The following BBS4 variants were observed in gnomAD, a reference collection of about 807,000 sequenced individuals.
BBS4 encodes the protein Bardet-Biedl syndrome 4, also known as BBSome complex member BBS4.
BBS4 carries 58 observed loss-of-function variants against 71.4 expected under a neutral mutation model. That is an observed-to-expected ratio of 0.81 (90% CI 0.66 to 1.01). The LOEUF is 1.01. BBS4 is among the 50% of genes least tolerant of loss of function. The probability of loss-of-function intolerance (pLI) is 0.00; values close to 1 mark genes in which losing one functional copy is unlikely to be tolerated. For synonymous variants in BBS4, 228 were observed against 216.8 expected (o/e 1.05, Z -0.46); for missense variants, 660 against 607.9 (o/e 1.09, Z -0.90).
chr15:72,707,397 T>C (rs2065284644), intron 2 of BBS4, among the ~76,000 whole-genome samples: 1 of 152,034 alleles, frequency 6.6e-6, no homozygotes, highest in Admixed American at 6.6e-5. Flanking sequence ...CAGGCTGACC[T>C]CAAACTCCTG....
chr15:72,722,926 TC>T (rs2065603632), intron 7 of BBS4, 79 bp downstream of exon 7: 1 of 1,272,130 alleles, frequency 7.9e-7, no homozygotes. Flanking sequence ...TTTGGTATTA[TC>T]CCTAGTGCTT....
rs111820337 is a variant in BBS4, at chr15:72,733,348, C to T, written c.1036+1622C>T. 7.1e-3 allele frequency among the ~76,000 whole-genome samples: 470 copies of T among 66,466 alleles called. 3 individuals carry two copies. Among genetic ancestry groups the T allele is most frequent in the African/African-American group, 0.022 (445 of 20,062 alleles). 43.6% of individuals were successfully genotyped at this position (66,466 alleles called of 152,430 possible). A position where few individuals can be genotyped will look rare whatever the true frequency, so the allele number is the denominator to read the frequency against. On this transcript the variant is annotated intron_variant, in intron 12 of 15. Coordinates refer to ENST00000268057, the MANE Select transcript of BBS4 (RefSeq NM_033028.5). ...AGGGGTACATGTGCATCCTGTTACA[C>T]AGGCACGTGTGTCATGGGGATTAGT... is the stretch of plus-strand genomic sequence containing the variant.
chr15:72,689,914 C>A (rs1489769156), intron 1 of BBS4, among the ~76,000 whole-genome samples: 1 of 152,030 alleles, frequency 6.6e-6, no homozygotes, highest in East Asian at 1.9e-4. Context: ...GGGTTCACGC[C>A]ATTCTCCAGC....
rs769873362 is a variant in BBS4, at chr15:72,731,665, T to A, written c.975T>A (p.His325Gln). 25 of 1,614,090 alleles carry A rather than the reference T, an allele frequency of 1.5e-5. No individual in the cohort carries two copies. Among genetic ancestry groups the A allele is most frequent in the Non-Finnish European group, 2.0e-5 (24 of 1,180,050 alleles). ...TGCAGCAGTATGCATCAGCTTTTCA[T>A]TTTCTCAGTGCGGCCATCAACTTCC... ...LTMQQYASAF[H>Q]FLSAAINFQP... Residue 325 changes from histidine to glutamine, a missense_variant, in exon 12 of 16, where the codon CAT (histidine) becomes CAA (glutamine). His to Gln is a conservative substitution (Grantham distance 24). Transcript: ENST00000268057.
rs1002998915 is a variant in BBS4, at chr15:72,728,945, GGGCTTT to G, written c.643-665_643-660del. ...CAGGAGCTTAACCCTGGGTCTTCCT[GGGCTTT>G]GGCTTGGGAGGTTGGCTCCACGGGA... On this transcript the variant is annotated intron_variant, in intron 9 of 15. Transcript: ENST00000268057. Among the ~76,000 whole-genome samples the G allele has an allele frequency of 7.9e-5, 12 of 152,110 alleles. 1 individual carries two copies. Among genetic ancestry groups the G allele is most frequent in the Non-Finnish European group, 1.5e-4 (10 of 68,024 alleles).
chr15:72,698,396 C>T (rs1050786002), intron 2 of BBS4, among the ~76,000 whole-genome samples: 1 of 152,112 alleles, frequency 6.6e-6, no homozygotes, highest in Admixed American at 6.5e-5. Context: ...TCCACATCCC[C>T]TTGCCTCCCC....
Position 72,737,486 on chromosome 15 carries a change from G to A in BBS4, c.1459G>A (p.Gly487Arg). ...TTTTATTTTGTTACTAGGTGCTGGA[G>A]GAACATCCCAGTTCACAAAGCCCCC... ...AYRTLPSGAG[G>R]TSQFTKPPSL... Residue 487 changes from glycine to arginine, a missense_variant, in exon 16 of 16, where the codon GGA becomes AGA. By Grantham distance (125) the Gly-to-Arg change is moderately radical. Transcript: ENST00000268057. The A allele has an allele frequency of 6.2e-7, 1 of 1,611,974 alleles. No homozygotes were observed. The highest frequency in any genetic ancestry group is 1.1e-5 in the South Asian group (1 of 90,426).
At position 72,686,234 on chromosome 15, in the gene BBS4, G is replaced by A; in HGVS notation, c.7G>A (p.Glu3Lys). The change falls in exon 1 of 16, where the codon GAG (glutamate) becomes AAG (lysine). Residue 3 changes from glutamate to lysine, a missense_variant. Physicochemically the swap from Glu to Lys is moderately conservative, Grantham distance 56 (BLOSUM62 1). Transcript: ENST00000268057. ...AGCGGTGGGCTGAGCTAAAATGGCT[G>A]AGGAGAGAGTCGCGACGGTGAGCGC... MA[E>K]ERVATRTQFP... 6.4e-7 allele frequency: 1 copy of A among 1,565,900 alleles called. No individual in the cohort carries two copies. The highest frequency in any genetic ancestry group is 1.9e-5 in the Admixed American group (1 of 53,272).
intron 8 of BBS4, among the ~76,000 whole-genome samples, chr15:72,725,713 G>A (rs1224586631): frequency 1.5e-5 from 1 of 65,992 alleles, no homozygotes; most frequent in Admixed American, 2.4e-4. Context: ...CCCTTTCCCC[G>A]TTTTCCCTTC....
chr15:72,689,176 A>T (rs756373508), intron 1 of BBS4, among the ~76,000 whole-genome samples: 1 of 152,222 alleles, frequency 6.6e-6, no homozygotes, highest in Admixed American at 6.5e-5. Context: ...GTAGATAAGG[A>T]TATATGGATA....
chr15:72,724,432 T>C, intron 7 of BBS4, 96 bp from the exon 8 acceptor site: 2 of 1,560,422 alleles, frequency 1.3e-6, no homozygotes, highest in Non-Finnish European at 8.8e-7. Context: ...TGTTCCTATG[T>C]CAATACAGCA....
At position 72,689,933 on chromosome 15, in the gene BBS4, C is replaced by A. The variant is rs112835511; in HGVS notation, c.24+3682C>A. 2.6e-3 allele frequency among the ~76,000 whole-genome samples: 390 copies of A among 152,144 alleles called. 3 individuals are homozygous for A. The highest frequency in any genetic ancestry group is 8.9e-3 in the African/African-American group (369 of 41,512). ...TCACGCCATTCTCCAGCCTGAGCCT[C>A]CGGAGTAGCTGGGACTACAGGCGCC... On this transcript the variant is annotated intron_variant, in intron 1 of 15. Coordinates refer to ENST00000268057, the MANE Select transcript of BBS4 (RefSeq NM_033028.5).
chr15:72,718,101 G>C (rs1300152217), intron 6 of BBS4, among the ~76,000 whole-genome samples: 2 of 152,068 alleles, frequency 1.3e-5, no homozygotes, highest in East Asian at 3.9e-4. Flanking sequence ...CACCTGCCTT[G>C]TCCTCCCAAA....
At chr15:72,692,071 A>G (rs545476656) in intron 1 of BBS4, among the ~76,000 whole-genome samples, 15 of 151,988 alleles carry the variant, frequency 9.9e-5, no homozygotes, top group African/African-American at 1.4e-4. Flanking sequence ...CTTAAGGTTT[A>G]TACCCTAGGT....
At chr15:72,722,978 C>A in intron 7 of BBS4, 131 bp downstream of exon 7, 1 of 753,738 alleles carries the variant, frequency 1.3e-6, no homozygotes. Flanking sequence ...TACCTTTATA[C>A]ATTTTTTTCT....
At chr15:72,686,324 C>A in intron 1 of BBS4, 73 bp downstream of exon 1, 1 of 1,547,788 alleles carries the variant, frequency 6.5e-7, no homozygotes, top group Non-Finnish European at 8.7e-7. Context: ...TTGTCCCATG[C>A]AGCGGTTCCT....
At chr15:72,695,296 T>TTTA in intron 2 of BBS4, 68 bp downstream of exon 2, 1 of 580,708 alleles carries the variant, frequency 1.7e-6, no homozygotes, top group South Asian at 3.2e-5. Flanking sequence ...TATTTATTTA[T>TTTA]TTTTTTTTTT....
intron 4 of BBS4, among the ~76,000 whole-genome samples, chr15:72,714,122 G>A (rs753176459): frequency 5.9e-5 from 9 of 151,834 alleles, no homozygotes; most frequent in Non-Finnish European, 1.2e-4. Flanking sequence ...ATTTCTGTAA[G>A]GTGAATCAGG....
At chr15:72,716,318 T>C (rs1022459259) in intron 5 of BBS4, among the ~76,000 whole-genome samples, 3 of 152,212 alleles carry the variant, frequency 2.0e-5, no homozygotes, top group Non-Finnish European at 2.9e-5. Flanking sequence ...TTGCCATTCA[T>C]ACCTGTGTTG....
Sources: allele counts gnomAD v4.1 joint callset (sites outside exome capture counted in the v4.1 genomes callset), GRCh38; gene constraint gnomAD v4.1.1; transcripts MANE v1.5; gene names NCBI Gene and HGNC (gene_info 2026-07-23, HGNC 2026-07-21).